Variants in DBNDD1 observed in about 807,000 individuals in gnomAD.
DBNDD1 encodes the protein dysbindin domain containing 1, also known as dysbindin domain-containing protein 1.
DBNDD1 carries 14 observed loss-of-function variants against 17.0 expected under a neutral mutation model. The ratio of observed to expected loss-of-function variants is 0.82; its 90% CI spans 0.54 to 1.29. DBNDD1 has a LOEUF of 1.29. DBNDD1 is among the 50% of genes most tolerant of loss of function. The pLI, the probability that DBNDD1 is intolerant of heterozygous loss-of-function variation, is 0.00. For synonymous variants in DBNDD1, 105 were observed against 102.0 expected (o/e 1.03, Z -0.18); for missense variants, 221 against 216.2 (o/e 1.02, Z -0.14).
intron 1 of DBNDD1, chr16:90,011,814 G>A (rs1020080182): frequency 2.7e-6 from 1 of 374,892 alleles, no homozygotes; most frequent in Admixed American, 3.0e-5. Context: ...GGTGAGATGT[G>A]GACTCTGTTC....
intron 1 of DBNDD1, among the ~76,000 whole-genome samples, chr16:90,014,098 C>T (rs2035599663): frequency 6.6e-6 from 1 of 151,884 alleles, no homozygotes; most frequent in Non-Finnish European, 1.5e-5. Flanking sequence ...TGGAGTGGGA[C>T]AGCATCTACC....
chr16:90,011,520 C>T, intron 1 of DBNDD1: 1 of 387,266 alleles, frequency 2.6e-6, no homozygotes, highest in Non-Finnish European at 5.3e-6. Context: ...TGGGGGCAGC[C>T]CTGTGGCCTG....
intron 1 of DBNDD1, among the ~76,000 whole-genome samples, chr16:90,012,536 C>T (rs1190754518): frequency 6.7e-6 from 1 of 148,648 alleles, no homozygotes; most frequent in African/African-American, 2.5e-5. Context: ...CTTGGCTCAT[C>T]AAAACCTCCG....
chr16:90,005,835 T>A lies in DBNDD1; in HGVS notation c.*500A>T, dbSNP rs1052201260. 1 of 159,412 alleles carries A rather than the reference T, an allele frequency of 6.3e-6. No homozygotes were observed. The highest frequency in any genetic ancestry group is 1.4e-5 in the Non-Finnish European group (1 of 71,622). 9.9% of individuals were successfully genotyped at this position (159,412 alleles called of 1,614,324 possible). A position where few individuals can be genotyped will look rare whatever the true frequency, so the allele number is the denominator to read the frequency against. On this transcript the variant is annotated 3_prime_UTR_variant, in exon 4 of 4. Coordinates refer to ENST00000002501, the MANE Select transcript of DBNDD1 (RefSeq NM_001042610.3). Reference sequence around the variant, plus strand: ...GTGTGCTTTGCTGGACAGCACATTGTCCCATTAGCCACTACCAAACCCGCC... The same window carrying A: ...GTGTGCTTTGCTGGACAGCACATTGACCCATTAGCCACTACCAAACCCGCC...
chr16:90,016,983 G>C (rs1054597395), intron 1 of DBNDD1, among the ~76,000 whole-genome samples: 1 of 152,176 alleles, frequency 6.6e-6, no homozygotes, highest in Non-Finnish European at 1.5e-5. Flanking sequence ...TGGAGTGGCC[G>C]TGTCTAGACT....
At chr16:90,009,495 G>T in intron 1 of DBNDD1, 65 bp from the exon 2 acceptor site, 1 of 1,591,692 alleles carries the variant, frequency 6.3e-7, no homozygotes. Context: ...CAGGACGCGG[G>T]GCTGGGTGTG....
chr16:90,018,372 C>T (rs1357290621), intron 1 of DBNDD1, among the ~76,000 whole-genome samples: 1 of 152,256 alleles, frequency 6.6e-6, no homozygotes, highest in African/African-American at 2.4e-5. Context: ...CTCCCGGGGA[C>T]AGCCCTTCGG....
intron 1 of DBNDD1, among the ~76,000 whole-genome samples, chr16:90,012,496 G>A (rs1485733001): frequency 2.1e-5 from 3 of 145,028 alleles, no homozygotes; most frequent in Non-Finnish European, 4.5e-5. Context: ...TTTCGTTCTT[G>A]TTGCCCAGGC....
chr16:90,017,877 T>C (rs1265396143), intron 1 of DBNDD1, among the ~76,000 whole-genome samples: 7 of 152,240 alleles, frequency 4.6e-5, no homozygotes, highest in African/African-American at 1.7e-4. Context: ...AGCTGCGACC[T>C]GTAGGTAAAT....
chr16:90,014,862 C>T (rs377615883), intron 1 of DBNDD1, among the ~76,000 whole-genome samples: 4 of 151,930 alleles, frequency 2.6e-5, no homozygotes, highest in Non-Finnish European at 4.4e-5. Context: ...AAAAATTAGC[C>T]GGTGTGGTGG....
At chr16:90,010,367 C>CTT (rs34659525) in intron 1 of DBNDD1, among the ~76,000 whole-genome samples, 17 of 123,810 alleles carry the variant, frequency 1.4e-4, no homozygotes, top group Admixed American at 2.5e-4. Context: ...ACGTAACTAC[C>CTT]TTTTTTTTTT....
chr16:90,017,150 GA>G (rs2035653903), intron 1 of DBNDD1, among the ~76,000 whole-genome samples: 1 of 152,234 alleles, frequency 6.6e-6, no homozygotes, highest in Admixed American at 6.5e-5. Context: ...TTCATATTAA[GA>G]AATCATTAAT....
At chr16:90,011,055 G>T (rs1184188846) in intron 1 of DBNDD1, among the ~76,000 whole-genome samples, 3 of 152,246 alleles carry the variant, frequency 2.0e-5, no homozygotes, top group East Asian at 1.9e-4. Flanking sequence ...ACCTGAGTGG[G>T]TGCCCAGCGC....
intron 2 of DBNDD1, 26 bp from the exon 3 acceptor site, chr16:90,008,950 C>A: frequency 1.3e-6 from 2 of 1,524,976 alleles, no homozygotes; most frequent in Non-Finnish European, 1.8e-6. Flanking sequence ...GTACAGTCAG[C>A]CCTCAGGCCC....
At chr16:90,011,277 C>T (rs1305246721) in intron 1 of DBNDD1, among the ~76,000 whole-genome samples, 1 of 152,092 alleles carries the variant, frequency 6.6e-6, no homozygotes, top group Non-Finnish European at 1.5e-5. Context: ...GTGGGCCTGT[C>T]CTCCCCCGTG....
At chr16:90,018,708 A>G (rs901359446) in intron 1 of DBNDD1, among the ~76,000 whole-genome samples, 4 of 152,104 alleles carry the variant, frequency 2.6e-5, no homozygotes, top group African/African-American at 9.7e-5. Flanking sequence ...GGAGCGCTCC[A>G]CGCGCACCTA....
At chr16:90,013,780 T>C (rs574022117) in intron 1 of DBNDD1, among the ~76,000 whole-genome samples, 2 of 152,166 alleles carry the variant, frequency 1.3e-5, no homozygotes, top group East Asian at 1.9e-4. Flanking sequence ...ATAGACAAAA[T>C]AGATGATTCC....
At chr16:90,009,573 T>C in intron 1 of DBNDD1, 143 bp from the exon 2 acceptor site, 2 of 1,282,212 alleles carry the variant, frequency 1.6e-6, no homozygotes, top group Admixed American at 4.2e-5. Context: ...TGGCTGGGCT[T>C]GTGGCCTCAT....
chr16:90,019,886 G>A (rs1485217483), upstream of DBNDD1: 6 of 526,256 alleles, frequency 1.1e-5, no homozygotes, highest in Non-Finnish European at 1.8e-5. The surrounding 1 kb of genome is among the most constrained non-coding windows in gnomAD (Gnocchi z 6.1). Flanking sequence ...TGGATGGCGC[G>A]AATTAACGCG....
Sources: gnomAD v4.1 joint callset for allele counts (sites outside exome capture counted in the v4.1 genomes callset) on GRCh38, gnomAD v4.1.1 for gene constraint, Gnocchi (gnomAD v3.1) non-coding constraint, MANE v1.5 for transcripts, NCBI Gene and HGNC (gene_info 2026-07-23, HGNC 2026-07-21) for gene names.